Variants in TTN observed in about 807,000 individuals in gnomAD.
TTN encodes connectin.
In TTN, 1,525 loss-of-function variants were observed where a neutral mutation model predicts 3,223.0. The ratio of observed to expected loss-of-function variants is 0.47; its 90% confidence interval spans 0.45 to 0.49. The LOEUF (loss-of-function observed/expected upper bound fraction) is 0.49. Ranked by LOEUF, TTN falls within the 20% of genes least tolerant of loss-of-function variation. The pLI is 0.00. For missense variants in TTN, 40,786 were observed against 43,424.0 expected (o/e 0.94, Z 5.40); for synonymous variants, 14,094 against 15,161.0 (o/e 0.93, Z 5.17).
chr2:178,617,192 A>T lies in TTN; in HGVS notation c.47803T>A (p.Ser15935Thr). 6.3e-7 allele frequency: 1 copy of T among 1,580,650 alleles called. No individual in the cohort carries two copies. Among genetic ancestry groups the T allele is most frequent in the South Asian group, 1.2e-5 (1 of 86,706 alleles). ...GAAACACCAGCTTTATTTTCTGCAG[A>T]TACTCTATATAAATATTTATTTCCT... The part of the protein sequence containing the change: ...EKGNKYLYRV[S>T]AENKAGVSDP... Residue 15935 changes from serine to threonine, a missense_variant, in exon 255 of 363, where the codon TCT becomes ACT. Transcript: ENST00000589042.
rs1419201312 is a variant in TTN, at chr2:178,536,483, C to T, written c.100264G>A (p.Ala33422Thr). ...TCAAGGTAGTAATTTCTAATCTTTG[C>T]ACCTCCATCACTGGCAGGTGGCTTC... The part of the protein sequence containing the change: ...AWKPPASDGG[A>T]KIRNYYLEKR... The change falls in exon 357 of 363, where the codon GCA (alanine) becomes ACA (threonine). Residue 33422 changes from alanine to threonine, a missense_variant. Physicochemically the swap from Ala to Thr is moderately conservative, Grantham distance 58. Transcript: ENST00000589042. 6.3e-7 allele frequency: 1 copy of T among 1,577,366 alleles called. No homozygotes were observed. The highest frequency in any genetic ancestry group is 8.6e-7 in the Non-Finnish European group (1 of 1,161,572).
In TTN at chr2:178,768,786, C is replaced by T. The variant is rs372303620; in HGVS notation, c.9050G>A (p.Arg3017Lys). ...CAGTGAGTGTGTGAGCTTTTTGGTT[C>T]TCATCTGGCACTTGTCAGTTGATTT... ...EIKSTDKCQM[R>K]TKKLTHSLNI... The change falls in exon 38 of 363, where the codon AGA becomes AAA. Residue 3017 changes from arginine (R) to lysine (K), a missense_variant. Physicochemically the swap from Arg to Lys is conservative, Grantham distance 26. Transcript: ENST00000589042. The T allele has an allele frequency of 8.1e-6, 13 of 1,613,892 alleles. No homozygotes were observed. In the African/African-American group the frequency reaches 1.5e-4, roughly 18 times the overall value.
chr2:178,758,003 T>G (rs1272329085), intron 44 of TTN, 87 bp from the exon 45 acceptor site: 1 of 1,403,954 alleles, frequency 7.1e-7, no homozygotes, highest in African/African-American at 1.4e-5. Context: ...TGTCACAAAT[T>G]TCAATAATGG....
In TTN at chr2:178,773,181, T is replaced by C. The variant is rs760786665; in HGVS notation, c.7783A>G (p.Met2595Val). Reference protein sequence around the residue: ...KIYKLTVLNMMKDDEGKYTFY... With the variant: ...KIYKLTVLNMVKDDEGKYTFY... ...GTGTATTTTCCTTCATCATCTTTCA[T>C]CATATTTAGAACTGTCAATTTATAT... Residue 2595 changes from methionine (M) to valine (V), a missense_variant, in exon 33 of 363, where the codon ATG (methionine) becomes GTG (valine). By Grantham distance (21) the Met-to-Val change is conservative (BLOSUM62 1). Transcript: ENST00000589042. The C allele has an allele frequency of 1.5e-5, 25 of 1,613,704 alleles. No homozygotes were observed. The highest frequency in any genetic ancestry group is 2.0e-5 in the Non-Finnish European group (24 of 1,179,898).
intron 8 of TTN, 77 bp downstream of exon 8, chr2:178,794,322 C>A (rs2093658389): frequency 3.8e-6 from 6 of 1,594,616 alleles, no homozygotes; most frequent in Non-Finnish European, 4.3e-6. Context: ...GCATGCCAAG[C>A]TCAGTGGATG....
At position 178,583,191 on chromosome 2, in the gene TTN, G is replaced by A. The variant is rs927643786; in HGVS notation, c.65612C>T (p.Ser21871Phe). ...PRIDLSVAMK[S>F]LLTVKAGTNV... ...AGTTCCAGCTTTCACAGTAAGCAAA[G>A]ATTTCATAGCCACACTCAGGTCTAT... The change falls in exon 313 of 363, where the codon TCT becomes TTT. Residue 21871 changes from serine (S) to phenylalanine (F), a missense_variant. Ser to Phe is a radical substitution (Grantham distance 155). Coordinates refer to ENST00000589042, the MANE Select transcript of TTN (RefSeq NM_001267550.2). 2 of 1,609,450 alleles carry A rather than the reference G, an allele frequency of 1.2e-6. No homozygotes were observed. Among genetic ancestry groups the A allele is most frequent in the African/African-American group, 2.7e-5 (2 of 74,776 alleles).
intron 3 of TTN, 147 bp downstream of exon 3, chr2:178,801,991 G>T (rs1310367419): frequency 7.2e-6 from 7 of 972,080 alleles, no homozygotes; most frequent in Middle Eastern, 3.1e-4. Flanking sequence ...AAACAACTTG[G>T]TTATAAATAA....
chr2:178,615,605 C>G, intron 258 of TTN, 36 bp downstream of exon 258: 2 of 1,610,402 alleles, frequency 1.2e-6, no homozygotes, highest in South Asian at 1.1e-5. Context: ...AAACAGGCAA[C>G]AAGATTAGGT....
At position 178,654,119 on chromosome 2, in the gene TTN, T is replaced by C. The variant is rs761733797; in HGVS notation, c.38381-24A>G. 66 of 1,594,536 alleles carry C rather than the reference T, an allele frequency of 4.1e-5. 2 individuals carry two copies. Among genetic ancestry groups the C allele is most frequent in the Non-Finnish European group, 5.5e-5 (65 of 1,178,566 alleles). On this transcript the variant is annotated intron_variant, in intron 193 of 362. Transcript: ENST00000589042. ...CACTTGAAAGATATTAGTATTTTTATAATTTATGAATGGCGAAGGTATATA... is the reference window on the plus strand; with the variant it reads ...CACTTGAAAGATATTAGTATTTTTACAATTTATGAATGGCGAAGGTATATA...
At chr2:178,779,950 G>C in intron 22 of TTN, 50 bp downstream of exon 22, 1 of 1,571,254 alleles carries the variant, frequency 6.4e-7, no homozygotes, top group South Asian at 1.1e-5. Context: ...ATAAAAAAAG[G>C]AAAGTATAAT....
chr2:178,681,751 A>G lies in TTN; in HGVS notation c.33095-13T>C. On this transcript the variant is annotated splice_polypyrimidine_tract_variant and intron_variant, in intron 135 of 362. Coordinates refer to ENST00000589042, the MANE Select transcript of TTN (RefSeq NM_001267550.2). ...GGCTTCTCTGGTTCTTTAAAAGTAC[A>G]TACAAGGTATTTCATGTTAGACTTA... is the stretch of plus-strand genomic sequence containing the variant. 6.4e-7 allele frequency: 1 copy of G among 1,571,784 alleles called. No homozygotes were observed. The highest frequency in any genetic ancestry group is 1.2e-5 in the South Asian group (1 of 83,156).
chr2:178,596,262 A>C (rs1355136809), intron 294 of TTN, among the ~76,000 whole-genome samples: 1 of 152,026 alleles, frequency 6.6e-6, no homozygotes, highest in African/African-American at 2.4e-5. Context: ...AAGTCAGGGG[A>C]TTACAGGTGT....
chr2:178,579,512 C>T (rs2047202097), intron 319 of TTN, 49 bp downstream of exon 319: 1 of 1,600,880 alleles, frequency 6.2e-7, no homozygotes, highest in Non-Finnish European at 8.5e-7. Context: ...CAAGAGTGCA[C>T]TTTCGATGAC....
At position 178,731,566 on chromosome 2, in the gene TTN, T is replaced by C; in HGVS notation, c.17200A>G (p.Lys5734Glu). ...VTLREPPSFI[K>E]KIESTSSLRG... Reference sequence around the variant, plus strand: ...AGGGAGCTGGTACTCTCGATCTTCTTTATGAAGGATGGGGGTTCTAACAGA... The same window carrying C: ...AGGGAGCTGGTACTCTCGATCTTCTCTATGAAGGATGGGGGTTCTAACAGA... Residue 5734 changes from lysine to glutamate, a missense_variant, in exon 59 of 363, where the codon AAG (lysine) becomes GAG (glutamate). Transcript: ENST00000589042. 6.2e-7 allele frequency: 1 copy of C among 1,604,796 alleles called. No individual in the cohort carries two copies.
rs771005702 is a variant in TTN, at chr2:178,649,594, C to A, written c.39933G>T (p.Lys13311Asn). 2 of 1,550,068 alleles carry A rather than the reference C, an allele frequency of 1.3e-6. No individual in the cohort carries two copies. The highest frequency in any genetic ancestry group is 2.4e-5 in the East Asian group (1 of 40,858). The change falls in exon 212 of 363, where the codon AAG becomes AAT. Residue 13311 changes from lysine to asparagine, a missense_variant. By Grantham distance (94) the Lys-to-Asn change is moderately conservative. Coordinates refer to ENST00000589042, the MANE Select transcript of TTN (RefSeq NM_001267550.2). Reference sequence around the variant, plus strand: ...TTTCTGGCTTCTTAACAGTTGGGACCTTCTTCACTGGAACAACTTTCTTTG... The same window carrying A: ...TTTCTGGCTTCTTAACAGTTGGGACATTCTTCACTGGAACAACTTTCTTTG... ...EMPKKVVPVKKVPTVKKPETP... is the reference protein window; with the variant it reads ...EMPKKVVPVKNVPTVKKPETP...
chr2:178,713,383 CAAAACAAA>C lies in TTN; in HGVS notation c.26762-19_26762-12del. 1 of 1,452,968 alleles carries C rather than the reference CAAAACAAA, an allele frequency of 6.9e-7. No individual in the cohort carries two copies. Among genetic ancestry groups the C allele is most frequent in the South Asian group, 1.5e-5 (1 of 67,232 alleles). 90.0% of individuals were successfully genotyped at this position (1,452,968 alleles called of 1,614,324 possible). On this transcript the variant is annotated splice_polypyrimidine_tract_variant and intron_variant, in intron 92 of 362. Transcript: ENST00000589042. ...GAGGAACGGTTCGGTCTGAATGATA[CAAAACAAA>C]ACAAAACAAAACAAAACAAAAAAAA...
At position 178,561,669 on chromosome 2, in the gene TTN, G is replaced by A; in HGVS notation, c.84463C>T (p.Pro28155Ser). Residue 28155 changes from proline (P) to serine (S), a missense_variant, in exon 326 of 363, where the codon CCA becomes TCA. Coordinates refer to ENST00000589042, the MANE Select transcript of TTN (RefSeq NM_001267550.2). ...ACTTTAGGAGTACCAGGAGGACCTGGGGGACTGAATGGATACTCTGCAACA... is the reference window on the plus strand; with the variant it reads ...ACTTTAGGAGTACCAGGAGGACCTGAGGGACTGAATGGATACTCTGCAACA... ...AVVAEYPFSP[P>S]GPPGTPKVVH... 1 of 1,607,086 alleles carries A rather than the reference G, an allele frequency of 6.2e-7. No homozygotes were observed.
chr2:178,769,875 C>T lies in TTN; in HGVS notation c.8706G>A (p.Glu2902=). Residue 2902 remains glutamate (E), a synonymous_variant, in exon 37 of 363, where the codon GAG becomes GAA. Coordinates refer to ENST00000589042, the MANE Select transcript of TTN (RefSeq NM_001267550.2). ...EVPETKTASF[E]CEVSHFNVPS... ...GGACATTGAAGTGGGACACCTCACACTCAAAAGAGGCAGTTTTGGTCTCAG... is the reference window on the plus strand; with the variant it reads ...GGACATTGAAGTGGGACACCTCACATTCAAAAGAGGCAGTTTTGGTCTCAG... 1 of 1,614,112 alleles carries T rather than the reference C, an allele frequency of 6.2e-7. No homozygotes were observed. The highest frequency in any genetic ancestry group is 1.1e-5 in the South Asian group (1 of 91,090).
intron 102 of TTN, 84 bp downstream of exon 102, chr2:178,706,370 T>C: frequency 7.0e-7 from 1 of 1,424,700 alleles, no homozygotes; most frequent in Non-Finnish European, 9.3e-7. Context: ...TTTAATACTT[T>C]CCACTGGGGC....
Sources: allele counts gnomAD v4.1 joint callset (sites outside exome capture counted in the v4.1 genomes callset), GRCh38; gene constraint gnomAD v4.1.1; transcripts MANE v1.5; gene names NCBI Gene and HGNC (gene_info 2026-07-23, HGNC 2026-07-21).